The following KLHDC10 variants were observed in gnomAD, a reference collection of about 807,000 sequenced individuals.
The protein encoded by KLHDC10 is kelch domain-containing protein 10.
Under a neutral mutation model 56.1 loss-of-function variants are expected in KLHDC10, and 24 were observed. The ratio of observed to expected loss-of-function variants is 0.43; its 90% confidence interval spans 0.31 to 0.60. KLHDC10 has a LOEUF of 0.60. Among genes scored for constraint, KLHDC10 ranks in the 20% least tolerant of loss-of-function variants. The pLI, the probability that KLHDC10 is intolerant of heterozygous loss-of-function variation, is 0.11. For synonymous variants in KLHDC10, 188 were observed against 207.1 expected, an observed-to-expected ratio of 0.91 and a Z score of 0.79; for missense variants, 349 against 567.0, an observed-to-expected ratio of 0.62 and a Z score of 3.91.
chr7:130,087,824 A>G (rs1181420635), intron 1 of KLHDC10, among the ~76,000 whole-genome samples: 1 of 151,118 alleles, frequency 6.6e-6, no homozygotes, highest in East Asian at 1.9e-4. Context: ...GCAATGGTAC[A>G]GTATCGGCTC....
chr7:130,114,103 G>A (rs1011668365), intron 2 of KLHDC10, among the ~76,000 whole-genome samples: 13 of 152,104 alleles, frequency 8.5e-5, no homozygotes, highest in Non-Finnish European at 1.5e-4. Context: ...TTGGCCTGAC[G>A]TTAAAGTCAA....
intron 8 of KLHDC10, among the ~76,000 whole-genome samples, chr7:130,128,888 AAATATAT>A (rs1306845921): frequency 1.5e-4 from 15 of 98,432 alleles, no homozygotes; most frequent in African/African-American, 5.2e-4. Context: ...AAAAAAAAAA[AAATATAT>A]ATATATATAT....
At chr7:130,071,705 A>G (rs1162450146) in intron 1 of KLHDC10, among the ~76,000 whole-genome samples, 3 of 152,222 alleles carry the variant, frequency 2.0e-5, no homozygotes, top group African/African-American at 7.2e-5. Flanking sequence ...TATTTTTACT[A>G]TGAAAAGAAC....
chr7:130,071,920 T>C (rs1795417303), intron 1 of KLHDC10, among the ~76,000 whole-genome samples: 2 of 152,218 alleles, frequency 1.3e-5, no homozygotes, highest in African/African-American at 4.8e-5. Flanking sequence ...GCACATTTAA[T>C]GAGACAATTG....
rs1796232949 is a variant in KLHDC10 at position 130,120,395 on chromosome 7, G to A, written c.476-354G>A. On this transcript the variant is annotated intron_variant, in intron 3 of 9. Transcript: ENST00000335420. The surrounding 1 kb of genome is among the most constrained non-coding windows in gnomAD (Gnocchi z 5.1). ...TGCAGAACTTTGTAGTATAGGCTAT[G>A]TATCCCTTATCTGAAATGCTTGGGA... Among the ~76,000 whole-genome samples the A allele has an allele frequency of 6.6e-6, 1 of 152,152 alleles. No individual in the cohort carries two copies. The highest frequency in any genetic ancestry group is 2.4e-5 in the African/African-American group (1 of 41,436).
Position 130,130,968 on chromosome 7 carries a change from T to C in KLHDC10, c.*222T>C, listed in dbSNP as rs1286559514. The C allele has an allele frequency of 3.8e-6, 2 of 532,550 alleles. No homozygotes were observed. The highest frequency in any genetic ancestry group is 6.2e-5 in the Admixed American group (2 of 32,020). 33.0% of individuals were successfully genotyped at this position (532,550 alleles called of 1,614,324 possible). On this transcript the variant is annotated 3_prime_UTR_variant, in exon 10 of 10. Transcript: ENST00000335420. This position sits in a 1 kb window ranked among gnomAD's most constrained non-coding sequence, Gnocchi z 4.2. ...CTTCTGTTCCTCCTGACCCATTACATGCACATGTACTCACATACTCCCTCT... is the reference window on the plus strand; with the variant it reads ...CTTCTGTTCCTCCTGACCCATTACACGCACATGTACTCACATACTCCCTCT...
rs186409241 is a variant in KLHDC10, at chr7:130,119,009, C to T, written c.476-1740C>T. Among the ~76,000 whole-genome samples, 752 of 151,332 alleles carry T rather than the reference C, an allele frequency of 5.0e-3. 6 individuals carry two copies. The highest frequency in any genetic ancestry group is 7.9e-3 in the Admixed American group (120 of 15,180). On this transcript the variant is annotated intron_variant, in intron 3 of 9. Transcript: ENST00000335420. ...GGAGGATCACTTGAGGTCAGGAGTT[C>T]GAGACCAGCCTGGGCAATGTAGCAA...
chr7:130,099,931 T>C (rs1358547284), intron 2 of KLHDC10, among the ~76,000 whole-genome samples: 1 of 152,004 alleles, frequency 6.6e-6, no homozygotes, highest in Non-Finnish European at 1.5e-5. Flanking sequence ...TCTGTCTACA[T>C]ACACACACAT....
intron 1 of KLHDC10, among the ~76,000 whole-genome samples, chr7:130,091,516 C>A (rs1362496253): frequency 6.6e-6 from 1 of 152,068 alleles, no homozygotes; most frequent in Admixed American, 6.5e-5. Flanking sequence ...GAGGAATTCA[C>A]CAGTGAAGCC....
chr7:130,108,102 G>C (rs902967068), intron 2 of KLHDC10, among the ~76,000 whole-genome samples: 1 of 150,120 alleles, frequency 6.7e-6, no homozygotes, highest in Admixed American at 6.6e-5. Flanking sequence ...GGTCGTGTGC[G>C]CCTGGAGTCC....
At chr7:130,118,122 C>G (rs1796196030) in intron 3 of KLHDC10, among the ~76,000 whole-genome samples, 1 of 151,834 alleles carries the variant, frequency 6.6e-6, no homozygotes, top group Admixed American at 6.6e-5. Flanking sequence ...TGCAATAAGC[C>G]AAGATCGCCC....
At chr7:130,090,340 C>T (rs991447477) in intron 1 of KLHDC10, among the ~76,000 whole-genome samples, 1 of 151,910 alleles carries the variant, frequency 6.6e-6, no homozygotes, top group African/African-American at 2.4e-5. Flanking sequence ...TGTGATCCCA[C>T]CACTTGGGAG....
chr7:130,111,365 C>T (rs1230305540), intron 2 of KLHDC10, among the ~76,000 whole-genome samples: 1 of 151,892 alleles, frequency 6.6e-6, no homozygotes, highest in Non-Finnish European at 1.5e-5. Flanking sequence ...TAATAGATGC[C>T]GTAAACAAAA....
At chr7:130,119,717 ACC>A (rs1158554313) in intron 3 of KLHDC10, among the ~76,000 whole-genome samples, 2 of 151,436 alleles carry the variant, frequency 1.3e-5, no homozygotes, top group African/African-American at 4.9e-5. Context: ...GGTGGTGGGC[ACC>A]TGTAATCCCA....
At position 130,130,911 on chromosome 7, in the gene KLHDC10, A is replaced by T; in HGVS notation, c.*165A>T. 1.6e-6 allele frequency: 1 copy of T among 633,614 alleles called. No individual in the cohort carries two copies. Among genetic ancestry groups the T allele is most frequent in the South Asian group, 2.0e-5 (1 of 49,732 alleles). 39.2% of individuals were successfully genotyped at this position (633,614 alleles called of 1,614,324 possible). On this transcript the variant is annotated 3_prime_UTR_variant, in exon 10 of 10. Coordinates refer to ENST00000335420, the MANE Select transcript of KLHDC10 (RefSeq NM_014997.4). This position sits in a 1 kb window ranked among gnomAD's most constrained non-coding sequence, Gnocchi z 4.2. ...TGTAAATTGGTTTTTCAGTTTATGGACATCTCACTTTCCCACGTGCTTCCT... is the reference window on the plus strand; with the variant it reads ...TGTAAATTGGTTTTTCAGTTTATGGTCATCTCACTTTCCCACGTGCTTCCT...
chr7:130,120,997 A>G lies in KLHDC10; in HGVS notation c.630+94A>G. On this transcript the variant is annotated intron_variant, in intron 4 of 9. Coordinates refer to ENST00000335420, the MANE Select transcript of KLHDC10 (RefSeq NM_014997.4). This position sits in a 1 kb window ranked among gnomAD's most constrained non-coding sequence, Gnocchi z 5.1. ...TTTGTAATTGTTACCATTTTATTTT[A>G]ATGGAGAAGAGTTCTTTGTGGTTAG... The G allele has an allele frequency of 1.6e-6, 2 of 1,242,170 alleles. No individual in the cohort carries two copies. The highest frequency in any genetic ancestry group is 2.2e-6 in the Non-Finnish European group (2 of 896,294). 76.9% of individuals were successfully genotyped at this position (1,242,170 alleles called of 1,614,324 possible).
chr7:130,075,172 C>T (rs555578761), intron 1 of KLHDC10, among the ~76,000 whole-genome samples: 13 of 152,026 alleles, frequency 8.6e-5, no homozygotes, highest in Non-Finnish European at 1.5e-4. Flanking sequence ...AGCTCAGGAG[C>T]GCGGGGTTCA....
Position 130,120,601 on chromosome 7 carries a change from C to A in KLHDC10, c.476-148C>A. The A allele has an allele frequency of 1.3e-6, 1 of 754,646 alleles. No individual in the cohort carries two copies. Among genetic ancestry groups the A allele is most frequent in the Non-Finnish European group, 2.1e-6 (1 of 475,724 alleles). 46.7% of individuals were successfully genotyped at this position (754,646 alleles called of 1,614,324 possible). On this transcript the variant is annotated intron_variant, in intron 3 of 9. Transcript: ENST00000335420. The surrounding 1 kb of genome is among the most constrained non-coding windows in gnomAD (Gnocchi z 5.1). The stretch of plus-strand genomic sequence containing the variant: ...ACTTCAGATTTTCAGATTTGGCACG[C>A]TCAGCTACTAGTTAGATGTCAGTGG...
rs542680391 is a variant in KLHDC10, at chr7:130,093,691, G to A, written c.167-3230G>A. Among the ~76,000 whole-genome samples the A allele has an allele frequency of 1.5e-3, 234 of 152,276 alleles. 2 individuals carry two copies. Among genetic ancestry groups the A allele is most frequent in the African/African-American group, 5.2e-3 (218 of 41,544 alleles). On this transcript the variant is annotated intron_variant, in intron 1 of 9. Transcript: ENST00000335420. Reference sequence around the variant, plus strand: ...ATTTAAGAAGTACATTTGTGTTGGCGTCACACTGTTATGTTGCTGGTTTCT... The same window carrying A: ...ATTTAAGAAGTACATTTGTGTTGGCATCACACTGTTATGTTGCTGGTTTCT...
Sources: allele counts gnomAD v4.1 joint callset (sites outside exome capture counted in the v4.1 genomes callset), GRCh38; gene constraint gnomAD v4.1.1; non-coding constraint Gnocchi (gnomAD v3.1); transcripts MANE v1.5; gene names NCBI Gene and HGNC (gene_info 2026-07-23, HGNC 2026-07-21).